PIK3C2A: variants seen among roughly 807,000 people sequenced by gnomAD.
PIK3C2A encodes the protein phosphatidylinositol-4-phosphate 3-kinase catalytic subunit type 2 alpha, also known as phosphatidylinositol 4-phosphate 3-kinase C2 domain-containing subunit alpha.
In PIK3C2A, 97 loss-of-function variants were observed where a neutral mutation model predicts 204.5. The ratio of observed to expected loss-of-function variants is 0.47; its 90% confidence interval spans 0.40 to 0.56. PIK3C2A has a LOEUF of 0.56. Among genes scored for constraint, PIK3C2A ranks in the 20% least tolerant of loss-of-function variants. The pLI, the probability that PIK3C2A is intolerant of heterozygous loss-of-function variation, is 0.00. For synonymous variants in PIK3C2A, 653 were observed against 664.4 expected, an observed-to-expected ratio of 0.98 and a Z score of 0.26; for missense variants, 1,735 against 1,969.2, an observed-to-expected ratio of 0.88 and a Z score of 2.25.
Position 17,132,047 on chromosome 11 carries a change from A to G in PIK3C2A, c.2109-9T>C, listed in dbSNP as rs748192540. 6.2e-6 allele frequency: 9 copies of G among 1,462,092 alleles called. No individual in the cohort carries two copies. The highest frequency in any genetic ancestry group is 2.0e-4 in the Middle Eastern group (1 of 5,060). The allele number at this position is 1,462,092 out of a possible 1,614,324, so 90.6% of individuals were successfully genotyped here. A position where few individuals can be genotyped will look rare whatever the true frequency, so the allele number is the denominator to read the frequency against. Reference sequence around the variant, plus strand: ...AGTAGTATTTTTCATAACTGAGAAAAGAAAGTTTAACTTGATTTCTATCAT... The same window carrying G: ...AGTAGTATTTTTCATAACTGAGAAAGGAAAGTTTAACTTGATTTCTATCAT... On this transcript the variant is annotated splice_polypyrimidine_tract_variant and intron_variant, in intron 11 of 32. Coordinates refer to ENST00000691414, the MANE Select transcript of PIK3C2A (RefSeq NM_002645.4).
At chr11:17,194,045 C>A in intron 1 of PIK3C2A, 1 of 387,046 alleles carries the variant, frequency 2.6e-6, no homozygotes. Flanking sequence ...GGCCATCAGT[C>A]CACGTGGTGA....
In PIK3C2A at chr11:17,195,285, C is replaced by T. The variant is rs1345264561; in HGVS notation, c.-66+12563G>A. Among the ~76,000 whole-genome samples the T allele has an allele frequency of 4.0e-5, 6 of 150,928 alleles. No individual in the cohort carries two copies. The South Asian group carries it at 8.4e-4, about 21-fold the overall frequency. The stretch of plus-strand genomic sequence containing the variant: ...AAAATTAGCTGGGCATGGTGGCAGG[C>T]GCCTGTAATCCCAGCTACTCAGGAG... On this transcript the variant is annotated intron_variant, in intron 1 of 32. Transcript: ENST00000691414.
chr11:17,178,726 T>A (rs1025586458), intron 1 of PIK3C2A, among the ~76,000 whole-genome samples: 5 of 138,694 alleles, frequency 3.6e-5, no homozygotes, highest in African/African-American at 5.3e-5. Context: ...TTTTTTTTTT[T>A]TTTTTTTTTT....
chr11:17,145,795 C>T, intron 7 of PIK3C2A, 64 bp from the exon 8 acceptor site: 2 of 1,552,876 alleles, frequency 1.3e-6, no homozygotes, highest in South Asian at 2.2e-5. Flanking sequence ...TTTTCATCAC[C>T]AAAATAAGTG....
intron 22 of PIK3C2A, among the ~76,000 whole-genome samples, chr11:17,106,241 A>G (rs997497555): frequency 6.6e-6 from 1 of 151,366 alleles, no homozygotes; most frequent in Non-Finnish European, 1.5e-5. Flanking sequence ...GCAAAACCCC[A>G]CCACTACTAA....
chr11:17,196,068 G>T (rs1365990633), intron 1 of PIK3C2A, among the ~76,000 whole-genome samples: 1 of 151,344 alleles, frequency 6.6e-6, no homozygotes, highest in East Asian at 1.9e-4. Flanking sequence ...AAAGAAAAAA[G>T]AAAAGAAACA....
chr11:17,155,440 AAT>A, intron 3 of PIK3C2A, 84 bp downstream of exon 3: 1 of 669,542 alleles, frequency 1.5e-6, no homozygotes. Context: ...AAATAATTAA[AAT>A]TTTTAAAATT....
chr11:17,181,244 T>C (rs1443991766), intron 1 of PIK3C2A, among the ~76,000 whole-genome samples: 1 of 152,112 alleles, frequency 6.6e-6, no homozygotes, highest in Non-Finnish European at 1.5e-5. Flanking sequence ...AATTGGTCTC[T>C]AGCACTTCTC....
chr11:17,146,542 G>A (rs548073796), intron 6 of PIK3C2A, among the ~76,000 whole-genome samples: 5 of 151,122 alleles, frequency 3.3e-5, no homozygotes, highest in East Asian at 3.9e-4. Context: ...CCAAAAACCC[G>A]TCTCTACTAA....
chr11:17,169,471 C>T lies in PIK3C2A; in HGVS notation c.271G>A (p.Asp91Asn). 1.2e-6 allele frequency: 2 copies of T among 1,614,078 alleles called. No homozygotes were observed. The highest frequency in any genetic ancestry group is 1.1e-5 in the South Asian group (1 of 91,080). ...SDSQKRALDI[D>N]VEKLTQAELE... is the part of the protein sequence containing the mutation. Reference sequence around the variant, plus strand: ...TCAGCTTGGGTGAGCTTTTCTACATCAATATCTAATGCTCTTTTTTGGGAA... The same window carrying T: ...TCAGCTTGGGTGAGCTTTTCTACATTAATATCTAATGCTCTTTTTTGGGAA... The change falls in exon 2 of 33, where the codon GAT (aspartate) becomes AAT (asparagine). Residue 91 changes from aspartate (D) to asparagine (N), a missense_variant. Physicochemically the swap from Asp to Asn is conservative, Grantham distance 23. Coordinates refer to ENST00000691414, the MANE Select transcript of PIK3C2A (RefSeq NM_002645.4).
chr11:17,139,669 G>A (rs1204051159), intron 8 of PIK3C2A, among the ~76,000 whole-genome samples: 1 of 152,128 alleles, frequency 6.6e-6, no homozygotes, highest in Non-Finnish European at 1.5e-5. Flanking sequence ...CCTACATCCT[G>A]TAATACAAGC....
intron 12 of PIK3C2A, among the ~76,000 whole-genome samples, chr11:17,131,700 T>C (rs370312404): frequency 2.7e-4 from 41 of 152,194 alleles, no homozygotes; most frequent in Admixed American, 1.5e-3. Flanking sequence ...GGATTACAGG[T>C]GTGAGCCACT....
At chr11:17,164,691 T>A (rs1403431278) in intron 2 of PIK3C2A, among the ~76,000 whole-genome samples, 1 of 152,228 alleles carries the variant, frequency 6.6e-6, no homozygotes, top group African/African-American at 2.4e-5. Flanking sequence ...CCTTCCCCTA[T>A]ATTTTTTAAC....
Position 17,186,172 on chromosome 11 carries a change from T to A in PIK3C2A, c.-65-16366A>T, listed in dbSNP as rs552169866. ...TCCGCTGAATCACTGAATGGCTTAATCCCTCGCTTCCTTCAAGTCTTCATT... is the reference window on the plus strand; with the variant it reads ...TCCGCTGAATCACTGAATGGCTTAAACCCTCGCTTCCTTCAAGTCTTCATT... On this transcript the variant is annotated intron_variant, in intron 1 of 32. Transcript: ENST00000691414. Among the ~76,000 whole-genome samples, 4 of 152,280 alleles carry A rather than the reference T, an allele frequency of 2.6e-5. 1 individual carries two copies. The highest frequency in any genetic ancestry group is 1.3e-4 in the Admixed American group (2 of 15,260).
intron 22 of PIK3C2A, among the ~76,000 whole-genome samples, chr11:17,106,689 G>A (rs1848832539): frequency 6.6e-6 from 1 of 152,174 alleles, no homozygotes; most frequent in Non-Finnish European, 1.5e-5. Context: ...TGATCCGCCT[G>A]TCTCAGCTTC....
intron 1 of PIK3C2A, among the ~76,000 whole-genome samples, chr11:17,201,102 A>T (rs1379999002): frequency 6.6e-6 from 1 of 152,170 alleles, no homozygotes; most frequent in Non-Finnish European, 1.5e-5. Flanking sequence ...GCTACTCAGG[A>T]AGCTGAGACA....
chr11:17,180,437 T>G (rs1479208733), intron 1 of PIK3C2A, among the ~76,000 whole-genome samples: 7 of 151,814 alleles, frequency 4.6e-5, no homozygotes, highest in Non-Finnish European at 8.8e-5. Context: ...AGAAAAAATT[T>G]TTGCTATTCC....
In PIK3C2A at chr11:17,138,691, C is replaced by T. The variant is rs1849957729; in HGVS notation, c.1705-2066G>A. On this transcript the variant is annotated intron_variant, in intron 8 of 32. Coordinates refer to ENST00000691414, the MANE Select transcript of PIK3C2A (RefSeq NM_002645.4). ...AATATTTTAGGCTTTGTGGGCCATA[C>T]AGTCTCTGGCACCAATTCAGCTCTG... Among the ~76,000 whole-genome samples the T allele has an allele frequency of 2.0e-5, 3 of 152,116 alleles. No homozygotes were observed. The South Asian group carries it at 6.2e-4, about 32-fold the overall frequency.
At chr11:17,094,503 C>T (rs990904261) in intron 27 of PIK3C2A, 118 bp from the exon 28 acceptor site, 1 of 675,932 alleles carries the variant, frequency 1.5e-6, no homozygotes, top group South Asian at 1.9e-5. Flanking sequence ...GTGGGTGGAT[C>T]AGCTGAGGTC....
Sources: allele counts gnomAD v4.1 joint callset (sites outside exome capture counted in the v4.1 genomes callset), GRCh38; gene constraint gnomAD v4.1.1; transcripts MANE v1.5; gene names NCBI Gene and HGNC (gene_info 2026-07-23, HGNC 2026-07-21).